Variants in SSBP4 observed in about 807,000 individuals in gnomAD.
SSBP4 encodes the protein single-stranded DNA-binding protein 4.
Under a neutral mutation model 64.6 loss-of-function variants are expected in SSBP4, and 33 were observed. That is an observed-to-expected ratio of 0.51 (90% CI 0.39 to 0.68). The LOEUF (loss-of-function observed/expected upper bound fraction) is 0.68. SSBP4 is among the 30% of genes least tolerant of loss of function. SSBP4 has a pLI of 0.00. For missense variants in SSBP4, 583 were observed against 566.8 expected, an observed-to-expected ratio of 1.03 and a Z score of -0.29; for synonymous variants, 243 against 224.0, an observed-to-expected ratio of 1.08 and a Z score of -0.76.
chr19:18,433,727 G>A lies in SSBP4; in HGVS notation c.1038G>A (p.Val346=). ...DGLPKSSPGA[V]AGLSNAPGTP... is the part of the protein sequence containing the mutation. ...GCCCCCAGAGTTCCCCCGGCGCCGTGGCCGGCCTGAGCAACGCCCCGGGCA... is the reference window on the plus strand; with the variant it reads ...GCCCCCAGAGTTCCCCCGGCGCCGTAGCCGGCCTGAGCAACGCCCCGGGCA... Residue 346 remains valine (V), a synonymous_variant, in exon 17 of 18, where the codon GTG becomes GTA. Coordinates refer to ENST00000270061, the MANE Select transcript of SSBP4 (RefSeq NM_032627.5). 7.0e-7 allele frequency: 1 copy of A among 1,432,286 alleles called. No individual in the cohort carries two copies. Among genetic ancestry groups the A allele is most frequent in the African/African-American group, 1.5e-5 (1 of 66,062 alleles). 88.7% of individuals were successfully genotyped at this position (1,432,286 alleles called of 1,614,324 possible).
At chr19:18,403,779 G>T in the SSBP4 span, among the ~76,000 whole-genome samples, 1 of 151,894 alleles carries the variant, frequency 6.6e-6, no homozygotes, top group Admixed American at 6.6e-5. Context: ...TGGGGTCTGG[G>T]GCCCCTGGGG....
At chr19:18,432,530 C>G in intron 10 of SSBP4, 29 bp from the exon 11 acceptor site, 1 of 1,552,022 alleles carries the variant, frequency 6.4e-7, no homozygotes, top group Non-Finnish European at 8.7e-7. Flanking sequence ...GGACTAGCCC[C>G]AGAGTCTGTC....
chr19:18,434,043 C>T (rs1359439251), intron 17 of SSBP4, 174 bp from the exon 18 acceptor site: 6 of 1,291,402 alleles, frequency 4.6e-6, no homozygotes, highest in Non-Finnish European at 4.9e-6. Context: ...CCCCGGGACC[C>T]GCGCCCCAGG....
rs1261642840 is a variant in SSBP4, at chr19:18,433,180, G to A, written c.958G>A (p.Ala320Thr). The A allele has an allele frequency of 1.9e-6, 3 of 1,587,974 alleles. No individual in the cohort carries two copies. The highest frequency in any genetic ancestry group is 2.6e-6 in the Non-Finnish European group (3 of 1,167,904). The change falls in exon 15 of 18, where the codon GCG (alanine) becomes ACG (threonine). Residue 320 changes from alanine to threonine, a missense_variant. Ala to Thr is a moderately conservative substitution (Grantham distance 58). Coordinates refer to ENST00000270061, the MANE Select transcript of SSBP4 (RefSeq NM_032627.5). Reference protein sequence around the residue: ...GPEGPMAAMSAMEPHHVNGSL... With the variant: ...GPEGPMAAMSTMEPHHVNGSL... ...GGAGGGCCCCATGGCCGCCATGAGC[G>A]CGATGGAGCCTCACCACGTGAACGG...
intron 4 of SSBP4, 69 bp downstream of exon 4, chr19:18,428,051 T>TTGGGGGGGGGGGGGG: frequency 2.0e-6 from 1 of 496,564 alleles, no homozygotes; most frequent in Non-Finnish European, 3.1e-6. Flanking sequence ...GCTGGGGAGG[T>TTGGGGGGGGGGGGGG]GGGGTGGGGG....
chr19:18,403,654 C>T, the SSBP4 span, among the ~76,000 whole-genome samples: 1 of 144,378 alleles, frequency 6.9e-6, no homozygotes, highest in Non-Finnish European at 1.5e-5. Flanking sequence ...AGTCCTGGGG[C>T]CTGAGGGTCC....
chr19:18,422,814 T>C (rs1272731299), intron 1 of SSBP4, among the ~76,000 whole-genome samples: 1 of 152,132 alleles, frequency 6.6e-6, no homozygotes, highest in South Asian at 2.1e-4. Context: ...GGTGAAGAGG[T>C]TACACTGCTC....
chr19:18,416,248 G>A (rs1972129763), upstream of SSBP4, among the ~76,000 whole-genome samples: 1 of 152,056 alleles, frequency 6.6e-6, no homozygotes, highest in Non-Finnish European at 1.5e-5. Context: ...CTCCTGACCT[G>A]AGGTGATTCG....
chr19:18,424,773 ATC>A (rs1972725120), intron 1 of SSBP4, among the ~76,000 whole-genome samples: 1 of 150,838 alleles, frequency 6.6e-6, no homozygotes, highest in South Asian at 2.1e-4. Context: ...AGCTGGGTGG[ATC>A]TCACACAGGT....
chr19:18,425,989 T>C (rs1332555905), intron 1 of SSBP4: 4 of 152,324 alleles, frequency 2.6e-5, no homozygotes, highest in African/African-American at 9.7e-5. Flanking sequence ...CAAAAGGCAC[T>C]TCATGGATGC....
chr19:18,429,646 T>G (rs1973184393), intron 4 of SSBP4, among the ~76,000 whole-genome samples: 1 of 150,024 alleles, frequency 6.7e-6, no homozygotes, highest in Non-Finnish European at 1.5e-5. Flanking sequence ...CTCCAGGCCA[T>G]TGTGTTTGCG....
At chr19:18,434,181 T>TG in intron 17 of SSBP4, 36 bp from the exon 18 acceptor site, 1 of 1,609,222 alleles carries the variant, frequency 6.2e-7, no homozygotes, top group Non-Finnish European at 8.5e-7. Context: ...GGAGCTGAAC[T>TG]CGGCCCCTGC....
chr19:18,404,987 C>CA, the SSBP4 span, among the ~76,000 whole-genome samples: 1 of 118,414 alleles, frequency 8.4e-6, no homozygotes, highest in East Asian at 2.0e-4. Context: ...GCCCAGAGGC[C>CA]CCCCCCCCCG....
In SSBP4 at chr19:18,434,264, G is replaced by GCCT. The variant is rs1973824876; in HGVS notation, c.*20_*22dup. On this transcript the variant is annotated 3_prime_UTR_variant, in exon 18 of 18. Transcript: ENST00000270061. ...GCGTGTGATGGGGCGGCAGCCCCGG[G>GCCT]CCTCTCTGCGGGCCTAGGCTTCTGC... is the stretch of plus-strand genomic sequence containing the variant. 4 of 1,610,438 alleles carry GCCT rather than the reference G, an allele frequency of 2.5e-6. No individual in the cohort carries two copies. The highest frequency in any genetic ancestry group is 2.5e-6 in the Non-Finnish European group (3 of 1,178,986).
intron 1 of SSBP4, among the ~76,000 whole-genome samples, chr19:18,421,959 G>A (rs1381350964): frequency 2.0e-5 from 3 of 152,116 alleles, no homozygotes; most frequent in African/African-American, 2.4e-5. Context: ...TCAGGAGTTC[G>A]AGACCAGCCT....
chr19:18,409,366 T>C, the SSBP4 span, among the ~76,000 whole-genome samples: 1 of 152,040 alleles, frequency 6.6e-6, no homozygotes, highest in East Asian at 1.9e-4. Context: ...TTTTGTGATT[T>C]TGGTACAGAT....
chr19:18,415,863 T>C (rs1972127620), upstream of SSBP4, among the ~76,000 whole-genome samples: 1 of 151,898 alleles, frequency 6.6e-6, no homozygotes, highest in South Asian at 2.1e-4. Flanking sequence ...CCCTGACCCG[T>C]ATTTAGGGGA....
the SSBP4 span, among the ~76,000 whole-genome samples, chr19:18,405,861 T>G: frequency 6.6e-6 from 1 of 151,816 alleles, no homozygotes; most frequent in Non-Finnish European, 1.5e-5. Flanking sequence ...CGTGGTGGCG[T>G]GCGCCTGTAG....
Position 18,423,212 on chromosome 19 carries a change from T to A in SSBP4, c.59+3505T>A, listed in dbSNP as rs1024217637. Among the ~76,000 whole-genome samples the A allele has an allele frequency of 1.3e-5, 2 of 152,180 alleles. No homozygotes were observed. Among genetic ancestry groups the A allele is most frequent in the Non-Finnish European group, 2.9e-5 (2 of 68,026 alleles). The stretch of plus-strand genomic sequence containing the variant: ...CCATGAATCACAGCCATGGTTGGTG[T>A]TGCCTGGCAGCTCGTGGGTTTCTCC... On this transcript the variant is annotated intron_variant, in intron 1 of 17. Transcript: ENST00000270061. The surrounding 1 kb of genome is among the most constrained non-coding windows in gnomAD (Gnocchi z 4.0).
Sources: gnomAD v4.1 joint callset for allele counts (sites outside exome capture counted in the v4.1 genomes callset) on GRCh38, gnomAD v4.1.1 for gene constraint, Gnocchi (gnomAD v3.1) non-coding constraint, MANE v1.5 for transcripts, NCBI Gene and HGNC (gene_info 2026-07-23, HGNC 2026-07-21) for gene names.